Variants in FAM83G observed in about 807,000 individuals in gnomAD.
FAM83G encodes the protein scaffolding CK1 anchoring protein G.
Under a neutral mutation model 61.5 loss-of-function variants are expected in FAM83G, and 38 were observed. That is an observed-to-expected ratio of 0.62 (90% CI 0.48 to 0.81). FAM83G has a LOEUF of 0.81. FAM83G is among the 30% of genes least tolerant of loss of function. FAM83G has a pLI of 0.00. For synonymous variants in FAM83G, 470 were observed against 476.1 expected, an observed-to-expected ratio of 0.99 and a Z score of 0.17; for missense variants, 989 against 1,133.6, an observed-to-expected ratio of 0.87 and a Z score of 1.83.
At chr17:18,992,841 C>T (rs931871671) in intron 2 of FAM83G, among the ~76,000 whole-genome samples, 11 of 152,110 alleles carry the variant, frequency 7.2e-5, no homozygotes, top group African/African-American at 2.2e-4. Context: ...CATCTCATTG[C>T]GCCCACAGGT....
intron 3 of FAM83G, among the ~76,000 whole-genome samples, chr17:18,981,452 G>A (rs150625479): frequency 6.6e-5 from 10 of 152,304 alleles, no homozygotes; most frequent in East Asian, 3.9e-4. Flanking sequence ...CAGCAAGAGC[G>A]ATGGGGTTGG....
intron 2 of FAM83G, among the ~76,000 whole-genome samples, chr17:18,994,741 T>A (rs2043521672): frequency 6.6e-6 from 1 of 152,232 alleles, no homozygotes; most frequent in African/African-American, 2.4e-5. Context: ...AGACCAGGCA[T>A]AAGCAAACTT....
At chr17:18,992,327 G>C (rs567052876) in intron 2 of FAM83G, among the ~76,000 whole-genome samples, 1 of 152,232 alleles carries the variant, frequency 6.6e-6, no homozygotes, top group Admixed American at 6.5e-5. Flanking sequence ...GAGAGGGGAG[G>C]GCACTGGTCC....
intron 3 of FAM83G, among the ~76,000 whole-genome samples, chr17:18,984,402 T>G (rs2043215885): frequency 6.7e-6 from 1 of 149,320 alleles, no homozygotes; most frequent in South Asian, 2.1e-4. Context: ...CAGGCCCAGG[T>G]AGAGACAGCA....
Position 18,971,301 on chromosome 17 carries a change from C to T in FAM83G, c.*58G>A, listed in dbSNP as rs1011347863. On this transcript the variant is annotated 3_prime_UTR_variant, in exon 6 of 6. Coordinates refer to ENST00000388995, the MANE Select transcript of FAM83G (RefSeq NM_001039999.3). The surrounding 1 kb of genome is among the most constrained non-coding windows in gnomAD (Gnocchi z 5.5). ...AGGCCCAGGCGGCCTGTCTGCCCTC[C>T]GCGTCATGAGTCTGGGCTGGGGCCT... 3.0e-5 allele frequency: 49 copies of T among 1,608,416 alleles called. No individual in the cohort carries two copies. The highest frequency in any genetic ancestry group is 2.5e-4 in the Admixed American group (15 of 59,868).
At chr17:18,984,497 G>A (rs971008700) in intron 3 of FAM83G, among the ~76,000 whole-genome samples, 38 of 152,220 alleles carry the variant, frequency 2.5e-4, no homozygotes, top group African/African-American at 7.5e-4. Flanking sequence ...AGGCCTGAGC[G>A]GCAGCGATCC....
In FAM83G at chr17:18,968,923, A is replaced by G. The variant is rs553179735; in HGVS notation, c.*2436T>C. On this transcript the variant is annotated 3_prime_UTR_variant, in exon 6 of 6. Transcript: ENST00000388995. This position sits in a 1 kb window ranked among gnomAD's most constrained non-coding sequence, Gnocchi z 4.1. The stretch of plus-strand genomic sequence containing the variant: ...GCCCCGTGATGCAGGCAGGCAGGCG[A>G]GTGGGGGTCTCCCCTCCTTATCCAC... 1.3e-6 allele frequency: 1 copy of G among 757,558 alleles called. No individual in the cohort carries two copies. The highest frequency in any genetic ancestry group is 1.8e-5 in the African/African-American group (1 of 56,750). 46.9% of individuals were successfully genotyped at this position (757,558 alleles called of 1,614,324 possible).
chr17:18,993,119 C>T (rs1411080626), intron 2 of FAM83G, among the ~76,000 whole-genome samples: 1 of 152,116 alleles, frequency 6.6e-6, no homozygotes, highest in African/African-American at 2.4e-5. Context: ...GTGCACAGGC[C>T]CAGCCTCTGC....
At chr17:18,984,260 C>T (rs1007490708) in intron 3 of FAM83G, among the ~76,000 whole-genome samples, 13 of 147,324 alleles carry the variant, frequency 8.8e-5, no homozygotes, top group Middle Eastern at 7.0e-3. Flanking sequence ...GATAATGGCA[C>T]GAACCCGGGA....
At position 18,969,358 on chromosome 17, in the gene FAM83G, A is replaced by C. The variant is rs200878720; in HGVS notation, c.*2001T>G. On this transcript the variant is annotated 3_prime_UTR_variant, in exon 6 of 6. Transcript: ENST00000388995. ...CACTGGCAGGGGGCCTGGCTGCTGTAATCTACACGGACGCCCTGCAGACGC... is the reference window on the plus strand; with the variant it reads ...CACTGGCAGGGGGCCTGGCTGCTGTCATCTACACGGACGCCCTGCAGACGC... The C allele has an allele frequency of 6.2e-6, 10 of 1,613,110 alleles. No homozygotes were observed. Among genetic ancestry groups the C allele is most frequent in the East Asian group, 2.2e-5 (1 of 44,826 alleles).
At position 18,978,242 on chromosome 17, in the gene FAM83G, C is replaced by T; in HGVS notation, c.1424G>A (p.Cys475Tyr). The T allele has an allele frequency of 6.3e-7, 1 of 1,594,132 alleles. No individual in the cohort carries two copies. The highest frequency in any genetic ancestry group is 1.1e-5 in the South Asian group (1 of 87,924). The part of the protein sequence containing the change: ...SQDSRPRPEP[C>Y]PPPEPSAPQD... ...GGGGGCACTGGGCTCTGGGGGAGGG[C>T]AAGGCTCTGGACGGGGCCTGCTGTC... The change falls in exon 5 of 6, where the codon TGC (cysteine) becomes TAC (tyrosine). Residue 475 changes from cysteine (C) to tyrosine (Y), a missense_variant. By Grantham distance (194) the Cys-to-Tyr change is radical. Coordinates refer to ENST00000388995, the MANE Select transcript of FAM83G (RefSeq NM_001039999.3).
rs2043802831 is a variant in FAM83G at position 19,003,845 on chromosome 17, C to T, written c.197G>A (p.Arg66His). The change falls in exon 2 of 6, where the codon CGC becomes CAC. Residue 66 changes from arginine (R) to histidine (H), a missense_variant. Transcript: ENST00000388995. The surrounding 1 kb of genome is among the most constrained non-coding windows in gnomAD (Gnocchi z 4.5). ...RDFLSELELK[R>H]ILETIEVYDP... ...GTACACCTCGATGGTCTCCAGGATGCGCTTGAGCTCCAGCTCCGAGAGGAA... is the reference window on the plus strand; with the variant it reads ...GTACACCTCGATGGTCTCCAGGATGTGCTTGAGCTCCAGCTCCGAGAGGAA... 6.2e-7 allele frequency: 1 copy of T among 1,612,912 alleles called. No individual in the cohort carries two copies.
chr17:18,987,973 T>A (rs1341294887), intron 3 of FAM83G, among the ~76,000 whole-genome samples: 1 of 152,242 alleles, frequency 6.6e-6, no homozygotes, highest in African/African-American at 2.4e-5. Context: ...TGAAATAACA[T>A]GATGCAGCAC....
In FAM83G at chr17:18,971,128, G is replaced by A. The variant is rs772851089; in HGVS notation, c.*231C>T. ...TGCCACGTACAGACGCCATGCACAT[G>A]TTTCGAGACCCCCACACAGGGGACC... On this transcript the variant is annotated 3_prime_UTR_variant, in exon 6 of 6. Coordinates refer to ENST00000388995, the MANE Select transcript of FAM83G (RefSeq NM_001039999.3). The surrounding 1 kb of genome is among the most constrained non-coding windows in gnomAD (Gnocchi z 5.5). 123 of 1,613,906 alleles carry A rather than the reference G, an allele frequency of 7.6e-5. No individual in the cohort carries two copies. The East Asian group carries it at 2.7e-3, about 36-fold the overall frequency.
chr17:18,995,567 A>C (rs1332065305), intron 2 of FAM83G, among the ~76,000 whole-genome samples: 2 of 152,216 alleles, frequency 1.3e-5, no homozygotes, highest in Non-Finnish European at 2.9e-5. Flanking sequence ...TAAAAAAATA[A>C]ATAAATAAGA....
intron 2 of FAM83G, among the ~76,000 whole-genome samples, chr17:18,993,008 C>T (rs1250408958): frequency 1.3e-5 from 2 of 152,178 alleles, no homozygotes; most frequent in Non-Finnish European, 1.5e-5. Flanking sequence ...GAAGTGCCCT[C>T]GCAGGACGAG....
Position 18,971,680 on chromosome 17 carries a change from G to T in FAM83G, c.2151C>A (p.Pro717=), listed in dbSNP as rs1466028279. Residue 717 remains proline, a synonymous_variant, in exon 6 of 6, where the codon CCC becomes CCA. Transcript: ENST00000388995. The surrounding 1 kb of genome is among the most constrained non-coding windows in gnomAD (Gnocchi z 5.5). ...GTRDKDGFPG[P]PRYRSAADSV... ...TGTCAGCAGCAGAGCGGTACCTAGG[G>T]GGTCCTGGGAAGCCGTCTTTATCCC... The T allele has an allele frequency of 6.2e-7, 1 of 1,610,334 alleles. No individual in the cohort carries two copies. Among genetic ancestry groups the T allele is most frequent in the Non-Finnish European group, 8.5e-7 (1 of 1,177,742 alleles).
rs756656844 is a variant in FAM83G, at chr17:18,971,547, T to G, written c.2284A>C (p.Arg762=). The G allele has an allele frequency of 3.8e-5, 61 of 1,613,762 alleles. No individual in the cohort carries two copies. In the South Asian group the frequency reaches 5.7e-4, roughly 15 times the overall value. Reference sequence around the variant, plus strand: ...ATGGGGCGGGCATTTTGGGCCAGTCTTGGGCTGCCGGGATCCGGAAGCAGG... The same window carrying G: ...ATGGGGCGGGCATTTTGGGCCAGTCGTGGGCTGCCGGGATCCGGAAGCAGG... ...PRLLPDPGSP[R]LAQNARPMTD... The change falls in exon 6 of 6, where the codon AGA becomes CGA. Residue 762 remains arginine, a synonymous_variant. Transcript: ENST00000388995. The surrounding 1 kb of genome is among the most constrained non-coding windows in gnomAD (Gnocchi z 5.5).
At chr17:18,977,252 T>G (rs946592498) in intron 5 of FAM83G, 3 of 592,000 alleles carry the variant, frequency 5.1e-6, no homozygotes, top group Non-Finnish European at 8.8e-6. Flanking sequence ...CTTTTCCTCA[T>G]CTGCAAACTA....
Sources: gnomAD v4.1 joint callset for allele counts (sites outside exome capture counted in the v4.1 genomes callset) on GRCh38, gnomAD v4.1.1 for gene constraint, Gnocchi (gnomAD v3.1) non-coding constraint, MANE v1.5 for transcripts, NCBI Gene and HGNC (gene_info 2026-07-23, HGNC 2026-07-21) for gene names.